TGFBR3: variants seen among roughly 807,000 people sequenced by gnomAD.
The protein encoded by TGFBR3 is transforming growth factor beta receptor 3.
TGFBR3 carries 46 observed loss-of-function variants against 87.9 expected under a neutral mutation model. The observed-to-expected ratio is 0.52, with a 90% confidence interval of 0.41 to 0.67. The LOEUF (loss-of-function observed/expected upper bound fraction) is 0.67. Ranked by LOEUF, TGFBR3 falls within the 30% of genes least tolerant of loss-of-function variation. TGFBR3 has a pLI of 0.00. For missense variants in TGFBR3, 866 were observed against 1,041.9 expected (o/e 0.83, Z 2.32); for synonymous variants, 381 against 391.6 (o/e 0.97, Z 0.32).
chr1:91,905,068 A>AAT (rs1679816971), intron 1 of TGFBR3, among the ~76,000 whole-genome samples: 2 of 152,296 alleles, frequency 1.3e-5, no homozygotes, highest in African/African-American at 4.8e-5. Context: ...ATTAAATATA[A>AAT]ATAATGATAG....
intron 3 of TGFBR3, among the ~76,000 whole-genome samples, chr1:91,769,441 G>A (rs1296587359): frequency 6.6e-6 from 1 of 152,042 alleles, no homozygotes; most frequent in African/African-American, 2.4e-5. Flanking sequence ...CACGGGCCCT[G>A]TTAACCTTCC....
chr1:91,887,767 C>A (rs1473484372), upstream of TGFBR3, among the ~76,000 whole-genome samples: 2 of 152,194 alleles, frequency 1.3e-5, no homozygotes, highest in African/African-American at 4.8e-5. Flanking sequence ...CTGCAAAAAT[C>A]TCCTCACTGA....
intron 4 of TGFBR3, among the ~76,000 whole-genome samples, chr1:91,743,188 A>G (rs1673216882): frequency 6.6e-6 from 1 of 151,976 alleles, no homozygotes; most frequent in South Asian, 2.1e-4. Flanking sequence ...ACATCAGCTG[A>G]CTCACCACCT....
At chr1:91,895,633 A>G (rs1391686344) in intron 2 of TGFBR3, among the ~76,000 whole-genome samples, 1 of 152,166 alleles carries the variant, frequency 6.6e-6, no homozygotes, top group Non-Finnish European at 1.5e-5. Context: ...TCCAGAATGG[A>G]CTAATACAAG....
In TGFBR3 at chr1:91,680,375, CAGATA is replaced by C. The variant is rs776209113; in HGVS notation, c.*3359_*3363del. The C allele has an allele frequency of 2.2e-6, 1 of 447,988 alleles. No homozygotes were observed. Among genetic ancestry groups the C allele is most frequent in the South Asian group, 1.6e-5 (1 of 62,862 alleles). The allele number at this position is 447,988 out of a possible 1,614,324, so 27.8% of individuals were successfully genotyped here. On this transcript the variant is annotated 3_prime_UTR_variant, in exon 17 of 17. Transcript: ENST00000212355. ...CTGATATATATCTTTTTATTATGCA[CAGATA>C]AAAGATTTAAAACTGTGGTTATCAA...
At chr1:91,869,581 T>C (rs548689114) in intron 1 of TGFBR3, among the ~76,000 whole-genome samples, 3 of 152,204 alleles carry the variant, frequency 2.0e-5, no homozygotes, top group Non-Finnish European at 4.4e-5. Flanking sequence ...GGAGAACCGC[T>C]TGAACTCGGC....
At chr1:91,884,952 C>T (rs1679234666) in intron 1 of TGFBR3, among the ~76,000 whole-genome samples, 1 of 152,270 alleles carries the variant, frequency 6.6e-6, no homozygotes, top group African/African-American at 2.4e-5. Context: ...CTATCCTCTG[C>T]CCTCGCCGCT....
At chr1:91,733,037 TA>T (rs1305964030) in intron 5 of TGFBR3, among the ~76,000 whole-genome samples, 1 of 152,216 alleles carries the variant, frequency 6.6e-6, no homozygotes, top group African/African-American at 2.4e-5. Context: ...GAGTCTTTAT[TA>T]AAAGAAATTT....
chr1:91,798,292 A>G (rs1329996754), intron 2 of TGFBR3, among the ~76,000 whole-genome samples: 2 of 152,134 alleles, frequency 1.3e-5, no homozygotes, highest in African/African-American at 4.8e-5. Context: ...TCCCAAAGCA[A>G]ATGCCTGCCG....
At chr1:91,711,639 A>G (rs17878966) in intron 13 of TGFBR3, among the ~76,000 whole-genome samples, 1,700 of 152,336 alleles carry the variant, frequency 0.011, 31 homozygotes, top group African/African-American at 0.039. Context: ...CCTAGTGGGT[A>G]TCATAGTTAA....
At chr1:91,787,154 A>G (rs1675000885) in intron 3 of TGFBR3, among the ~76,000 whole-genome samples, 1 of 152,072 alleles carries the variant, frequency 6.6e-6, no homozygotes, top group African/African-American at 2.4e-5. Flanking sequence ...TACAAAAATT[A>G]GCTGGGCGTG....
At chr1:91,818,596 A>G (rs1437035613) in intron 2 of TGFBR3, among the ~76,000 whole-genome samples, 1 of 152,156 alleles carries the variant, frequency 6.6e-6, no homozygotes, top group Non-Finnish European at 1.5e-5. Flanking sequence ...AGTAACCAAA[A>G]TATGTGTTTA....
chr1:91,855,739 C>G (rs1677915470), intron 2 of TGFBR3, among the ~76,000 whole-genome samples: 1 of 152,082 alleles, frequency 6.6e-6, no homozygotes, highest in Non-Finnish European at 1.5e-5. Flanking sequence ...GTTTTTAAAG[C>G]AAAACTTAGA....
At chr1:91,835,760 G>A (rs1318999770) in intron 2 of TGFBR3, among the ~76,000 whole-genome samples, 4 of 145,164 alleles carry the variant, frequency 2.8e-5, no homozygotes, top group Non-Finnish European at 6.0e-5. Context: ...CCCGGAAGGC[G>A]GAGCTTGCAG....
chr1:91,763,029 T>C (rs1674029446), intron 3 of TGFBR3, among the ~76,000 whole-genome samples: 2 of 152,230 alleles, frequency 1.3e-5, no homozygotes, highest in African/African-American at 4.8e-5. Context: ...TGAAGGCTTC[T>C]GGGTTCTCCA....
chr1:91,720,746 T>A (rs7546005), intron 8 of TGFBR3, among the ~76,000 whole-genome samples: 48,233 of 152,112 alleles, frequency 0.32, 8,105 homozygotes, highest in South Asian at 0.39. Flanking sequence ...TGATGCAATA[T>A]TATTCCATTG....
rs1437067086 is a variant in TGFBR3 at position 91,681,584 on chromosome 1, CTTTTTAA to C, written c.*2148_*2154del. 5.0e-6 allele frequency: 2 copies of C among 397,858 alleles called. No individual in the cohort carries two copies. The highest frequency in any genetic ancestry group is 1.5e-4 in the East Asian group (2 of 13,178). The allele number at this position is 397,858 out of a possible 1,614,324, so 24.6% of individuals were successfully genotyped here. On this transcript the variant is annotated 3_prime_UTR_variant, in exon 17 of 17. Transcript: ENST00000212355. ...TTAATATCTCCTAATAGCTAATTTT[CTTTTTAA>C]CACGATGGAAAAGATTTTTTAAAAA...
intron 2 of TGFBR3, among the ~76,000 whole-genome samples, chr1:91,858,959 G>A (rs983627725): frequency 6.6e-6 from 1 of 151,910 alleles, no homozygotes; most frequent in Non-Finnish European, 1.5e-5. Context: ...AGGAGGCTGA[G>A]GCAGGAGAAT....
intron 3 of TGFBR3, among the ~76,000 whole-genome samples, chr1:91,763,594 G>T (rs565650144): frequency 2.4e-4 from 37 of 152,320 alleles, no homozygotes; most frequent in Admixed American, 8.5e-4. Context: ...CTCTTCAGGG[G>T]TAAGGAGACA....
Sources: allele counts gnomAD v4.1 joint callset (sites outside exome capture counted in the v4.1 genomes callset), GRCh38; gene constraint gnomAD v4.1.1; transcripts MANE v1.5; gene names NCBI Gene and HGNC (gene_info 2026-07-23, HGNC 2026-07-21).